The following PDE4D variants were observed in gnomAD, a reference collection of about 807,000 sequenced individuals.
The protein encoded by PDE4D is phosphodiesterase 4D, also known as 3',5'-cyclic-AMP phosphodiesterase 4D.
A neutral mutation model predicts 87.4 loss-of-function variants in PDE4D; 24 were observed. The observed-to-expected ratio is 0.27, with a 90% CI of 0.20 to 0.39. PDE4D has a LOEUF of 0.39. Among genes scored for constraint, PDE4D ranks in the 10% least tolerant of loss-of-function variants. The probability of loss-of-function intolerance (pLI) is 1.00; values close to 1 mark genes in which losing one functional copy is unlikely to be tolerated. For missense variants in PDE4D, 714 were observed against 1,041.0 expected (o/e 0.69, Z 4.32); for synonymous variants, 384 against 383.2 (o/e 1.00, Z -0.02).
chr5:59,776,534 T>C (rs1387225909), intron 1 of PDE4D, among the ~76,000 whole-genome samples: 1 of 152,216 alleles, frequency 6.6e-6, no homozygotes, highest in Non-Finnish European at 1.5e-5. Flanking sequence ...GGTGCTTTAC[T>C]GATGCTTTTA....
In PDE4D at chr5:59,270,553, T is replaced by C. The variant is rs571996235; in HGVS notation, c.456-54585A>G. Among the ~76,000 whole-genome samples, 117 of 152,294 alleles carry C rather than the reference T, an allele frequency of 7.7e-4. No individual in the cohort carries two copies. In the Middle Eastern group the frequency reaches 0.01, roughly 13 times the overall value. On this transcript the variant is annotated intron_variant, in intron 1 of 14. Coordinates refer to ENST00000340635, the MANE Select transcript of PDE4D (RefSeq NM_001104631.2). ...CTGTTATAAAGACCAGAGGACCTTATTTGCTACCAGTAGAGAATATAATGG... is the reference window on the plus strand; with the variant it reads ...CTGTTATAAAGACCAGAGGACCTTACTTGCTACCAGTAGAGAATATAATGG...
chr5:60,051,961 G>C (rs1182678708), intron 2 of PDE4D, among the ~76,000 whole-genome samples: 1 of 152,068 alleles, frequency 6.6e-6, no homozygotes, highest in Non-Finnish European at 1.5e-5. Context: ...TAAATTCCTG[G>C]ACACATACAC....
At chr5:59,998,843 T>G (rs1333839264) in intron 2 of PDE4D, among the ~76,000 whole-genome samples, 1 of 152,098 alleles carries the variant, frequency 6.6e-6, no homozygotes, top group African/African-American at 2.4e-5. Flanking sequence ...ACTTAGTATG[T>G]GTCAATATGT....
chr5:59,430,179 A>G (rs1795902221), intron 1 of PDE4D: 1 of 973,628 alleles, frequency 1.0e-6, no homozygotes, highest in Non-Finnish European at 1.3e-6. Context: ...TGTGTTGAAT[A>G]AAAACTAACT....
chr5:59,854,565 A>G (rs1280843386), intron 1 of PDE4D, among the ~76,000 whole-genome samples: 3 of 152,126 alleles, frequency 2.0e-5, no homozygotes, highest in African/African-American at 7.2e-5. Flanking sequence ...CCAATATTAT[A>G]TAAGCATTGA....
intron 2 of PDE4D, among the ~76,000 whole-genome samples, chr5:60,118,306 A>T (rs1374331084): frequency 6.6e-6 from 1 of 152,060 alleles, no homozygotes; most frequent in African/African-American, 2.4e-5. Flanking sequence ...GTTTAAGTTG[A>T]GGTTTACTTA....
At chr5:60,203,695 A>G (rs1742176984) in intron 1 of PDE4D, among the ~76,000 whole-genome samples, 1 of 152,344 alleles carries the variant, frequency 6.6e-6, no homozygotes, top group Non-Finnish European at 1.5e-5. Context: ...TTGTAGGTGG[A>G]AAGAATGATC....
chr5:60,031,423 G>A (rs1350483786), intron 2 of PDE4D, among the ~76,000 whole-genome samples: 2 of 152,162 alleles, frequency 1.3e-5, no homozygotes, highest in South Asian at 2.1e-4. Context: ...CAAAAGCCAA[G>A]CACACACAAG....
chr5:59,575,061 T>C (rs1278485852), intron 1 of PDE4D, among the ~76,000 whole-genome samples: 1 of 152,180 alleles, frequency 6.6e-6, no homozygotes, highest in Non-Finnish European at 1.5e-5. Flanking sequence ...AAAATTATCA[T>C]TTCTACAATG....
In PDE4D at chr5:60,321,701, C is replaced by T. The variant is rs186561329; in HGVS notation, c.-89-136014G>A. On this transcript the variant is annotated intron_variant, in intron 1 of 16. Coordinates refer to the PDE4D transcript ENST00000502484. ...TAAGGAACTTATACAAATTAACAAG[C>T]AAAAAACAGCCCCATCACAAAGTGA... 1.3e-3 allele frequency among the ~76,000 whole-genome samples: 203 copies of T among 151,936 alleles called. 4 individuals are homozygous for T. In the East Asian group the frequency reaches 0.037, roughly 28 times the overall value.
chr5:60,244,201 A>G (rs974049058), intron 1 of PDE4D, among the ~76,000 whole-genome samples: 5 of 152,040 alleles, frequency 3.3e-5, no homozygotes, highest in East Asian at 1.9e-4. Context: ...AGTACCATTT[A>G]TGATAGCTAC....
intron 1 of PDE4D, among the ~76,000 whole-genome samples, chr5:59,245,624 T>A (rs1758697034): frequency 6.6e-6 from 1 of 152,140 alleles, no homozygotes; most frequent in African/African-American, 2.4e-5. Context: ...CCCAGCCTCA[T>A]AAAAACTTTA....
intron 1 of PDE4D, among the ~76,000 whole-genome samples, chr5:59,666,287 T>C (rs926695475): frequency 7.2e-5 from 11 of 152,156 alleles, no homozygotes; most frequent in East Asian, 1.9e-4. Flanking sequence ...GATATTTTAT[T>C]GTAACAGTCC....
chr5:59,362,265 G>A (rs539661156), intron 1 of PDE4D, among the ~76,000 whole-genome samples: 197 of 152,260 alleles, frequency 1.3e-3, no homozygotes, highest in African/African-American at 4.4e-3. Flanking sequence ...ACATCTTTAA[G>A]TTCTAAAAAT....
chr5:59,420,092 G>A (rs78055886), intron 1 of PDE4D, among the ~76,000 whole-genome samples: 10,048 of 152,186 alleles, frequency 0.066, 941 homozygotes, highest in African/African-American at 0.21. Flanking sequence ...CTTAGCACGT[G>A]TATTTGAATT....
chr5:60,199,546 T>C (rs116151438), intron 1 of PDE4D, among the ~76,000 whole-genome samples: 4,432 of 151,834 alleles, frequency 0.029, 267 homozygotes, highest in African/African-American at 0.1. Context: ...AAGGATCGGC[T>C]ACGCTTTAAT....
intron 5 of PDE4D, chr5:59,039,593 C>G (rs1759266660): frequency 3.6e-6 from 3 of 830,794 alleles, no homozygotes; most frequent in Middle Eastern, 6.0e-4. Context: ...AACACTCCCC[C>G]TCACGCCCCT....
At chr5:59,992,905 G>A (rs16890418) in intron 2 of PDE4D, among the ~76,000 whole-genome samples, 20,177 of 152,092 alleles carry the variant, frequency 0.13, 1,543 homozygotes, top group Middle Eastern at 0.25. Flanking sequence ...AGATCAATGT[G>A]TATCAGTTAT....
intron 1 of PDE4D, among the ~76,000 whole-genome samples, chr5:59,799,547 G>T (rs1183385847): frequency 6.6e-6 from 1 of 152,088 alleles, no homozygotes; most frequent in Non-Finnish European, 1.5e-5. Flanking sequence ...CAGCAGTCAT[G>T]GGGGGGCAGG....
Sources: allele counts gnomAD v4.1 joint callset (sites outside exome capture counted in the v4.1 genomes callset), GRCh38; gene constraint gnomAD v4.1.1; transcripts MANE v1.5; gene names NCBI Gene and HGNC (gene_info 2026-07-23, HGNC 2026-07-21).